The following PPM1B variants were observed in gnomAD, a reference collection of about 807,000 sequenced individuals.
PPM1B encodes protein phosphatase 1B.
A neutral mutation model predicts 43.0 loss-of-function variants in PPM1B; 22 were observed. The ratio of observed to expected loss-of-function variants is 0.51; its 90% CI spans 0.37 to 0.73. The LOEUF (loss-of-function observed/expected upper bound fraction) is 0.73, where lower values mean the gene tolerates loss of function less well. Ranked by LOEUF, PPM1B falls within the 30% of genes least tolerant of loss-of-function variation. The pLI, the probability that PPM1B is intolerant of heterozygous loss-of-function variation, is 0.00. For synonymous variants in PPM1B, 217 were observed against 197.9 expected (o/e 1.10, Z -0.81); for missense variants, 632 against 584.2 (o/e 1.08, Z -0.84).
chr2:44,241,003 T>A (rs1670732110), intron 5 of PPM1B, among the ~76,000 whole-genome samples: 1 of 117,928 alleles, frequency 8.5e-6, no homozygotes, highest in Admixed American at 7.6e-5. Context: ...CATCTTTATT[T>A]TTATTTTTTT....
intron 1 of PPM1B, among the ~76,000 whole-genome samples, chr2:44,175,945 C>G (rs953332363): frequency 3.3e-5 from 5 of 152,074 alleles, no homozygotes; most frequent in African/African-American, 9.7e-5. Context: ...ACCACCACAC[C>G]TGGCTAATTT....
downstream of PPM1B, among the ~76,000 whole-genome samples, chr2:44,238,312 C>G (rs958886079): frequency 1.3e-5 from 2 of 152,044 alleles, no homozygotes; most frequent in African/African-American, 4.8e-5. Flanking sequence ...TAGTATAAAG[C>G]TTATTTTAAA....
At chr2:44,206,510 T>G (rs1362611887) in intron 2 of PPM1B, among the ~76,000 whole-genome samples, 1 of 152,202 alleles carries the variant, frequency 6.6e-6, no homozygotes, top group Non-Finnish European at 1.5e-5. Context: ...ACCATAAATT[T>G]ATTGGAACTC....
downstream of PPM1B, chr2:44,233,433 C>T (rs959535818): frequency 3.1e-6 from 3 of 981,652 alleles, no homozygotes; most frequent in African/African-American, 5.3e-5. Flanking sequence ...ACCTTGAATT[C>T]TTCTGAGTTT....
At chr2:44,234,236 T>G (rs1670547503), downstream of PPM1B, 1 of 980,480 alleles carries the variant, frequency 1.0e-6, no homozygotes, top group Non-Finnish European at 1.2e-6. Context: ...AAAACCTGCC[T>G]TTGGCCGGGT....
At chr2:44,218,915 TAGTG>T (rs747437259) in intron 5 of PPM1B, 2 of 462,134 alleles carry the variant, frequency 4.3e-6, no homozygotes, top group African/African-American at 4.0e-5. Context: ...AAGTTAGTGA[TAGTG>T]AGTGAGTTGT....
At chr2:44,197,722 T>C (rs1165572939) in intron 1 of PPM1B, among the ~76,000 whole-genome samples, 1 of 152,204 alleles carries the variant, frequency 6.6e-6, no homozygotes, top group Non-Finnish European at 1.5e-5. Flanking sequence ...GATTTCTGAT[T>C]AGCCACTTAG....
chr2:44,237,023 TTAACA>T (rs1049892907), downstream of PPM1B, among the ~76,000 whole-genome samples: 4 of 152,244 alleles, frequency 2.6e-5, no homozygotes, highest in South Asian at 2.1e-4. Flanking sequence ...TAGTCAAATG[TTAACA>T]TAATTGTTAA....
intron 1 of PPM1B, among the ~76,000 whole-genome samples, chr2:44,169,821 A>T (rs907931290): frequency 2.6e-5 from 4 of 151,738 alleles, no homozygotes; most frequent in Admixed American, 2.0e-4. Flanking sequence ...TTTTCTTCGT[A>T]CCCCGGCATC....
chr2:44,174,600 TAAAAC>T (rs1190922483), intron 1 of PPM1B, among the ~76,000 whole-genome samples: 1 of 152,204 alleles, frequency 6.6e-6, no homozygotes, highest in Non-Finnish European at 1.5e-5. Flanking sequence ...TACAAGAAAA[TAAAAC>T]AAATGAATAA....
In PPM1B at chr2:44,186,464, G is replaced by C. The variant is rs1475191530; in HGVS notation, c.-14-14722G>C. On this transcript the variant is annotated intron_variant, in intron 1 of 5. Transcript: ENST00000282412. Reference sequence around the variant, plus strand: ...GCTCACTGCACCCTCCACCTCCTGGGCTCAAGCAATCCTCCCGCCTCAGCC... The same window carrying C: ...GCTCACTGCACCCTCCACCTCCTGGCCTCAAGCAATCCTCCCGCCTCAGCC... 2.0e-5 allele frequency among the ~76,000 whole-genome samples: 3 copies of C among 152,118 alleles called. No individual in the cohort carries two copies. The East Asian group carries it at 5.8e-4, about 29-fold the overall frequency.
chr2:44,227,200 C>G (rs1670258908), intron 5 of PPM1B, among the ~76,000 whole-genome samples: 1 of 152,092 alleles, frequency 6.6e-6, no homozygotes, highest in Admixed American at 6.6e-5. Flanking sequence ...GTCTCAAACT[C>G]CTGGGCTCAA....
intron 1 of PPM1B, among the ~76,000 whole-genome samples, chr2:44,194,114 C>G (rs1171170870): frequency 6.6e-6 from 1 of 151,530 alleles, no homozygotes; most frequent in African/African-American, 2.4e-5. Context: ...TTTTTTTTCC[C>G]TAGTCCTTGC....
chr2:44,182,796 G>A (rs1190987228), intron 1 of PPM1B, among the ~76,000 whole-genome samples: 1 of 151,974 alleles, frequency 6.6e-6, no homozygotes, highest in Non-Finnish European at 1.5e-5. Context: ...GGACCGTGAT[G>A]TTTTCCTGAA....
intron 1 of PPM1B, among the ~76,000 whole-genome samples, chr2:44,183,230 CCT>C (rs1422424996): frequency 6.6e-6 from 1 of 152,196 alleles, no homozygotes; most frequent in Non-Finnish European, 1.5e-5. Context: ...ATATTAAAAA[CCT>C]CTGCTGTGAC....
downstream of PPM1B, among the ~76,000 whole-genome samples, chr2:44,246,158 AC>A (rs1670850307): frequency 6.6e-6 from 1 of 152,154 alleles, no homozygotes; most frequent in African/African-American, 2.4e-5. Context: ...AAAGTATGCA[AC>A]CCAGAACTGA....
intron 1 of PPM1B, among the ~76,000 whole-genome samples, chr2:44,189,291 C>T (rs770853853): frequency 5.3e-5 from 8 of 152,146 alleles, no homozygotes; most frequent in Non-Finnish European, 1.2e-4. Flanking sequence ...TGCTTTTTGT[C>T]TGTATGAGAG....
chr2:44,205,348 GGTGTGGGTGT>G (rs1259596847), intron 2 of PPM1B, among the ~76,000 whole-genome samples: 21 of 94,344 alleles, frequency 2.2e-4, no homozygotes, highest in South Asian at 3.6e-4. Flanking sequence ...TGTGGGTGTG[GGTGTGGGTGT>G]GTGTGTGTGT....
At chr2:44,171,601 G>A (rs1006720743) in intron 1 of PPM1B, among the ~76,000 whole-genome samples, 14 of 151,764 alleles carry the variant, frequency 9.2e-5, no homozygotes, top group Admixed American at 3.3e-4. Context: ...AGGCTGAGGC[G>A]TGTGGATCAC....
Sources: gnomAD v4.1 joint callset for allele counts (sites outside exome capture counted in the v4.1 genomes callset) on GRCh38, gnomAD v4.1.1 for gene constraint, MANE v1.5 for transcripts, NCBI Gene and HGNC (gene_info 2026-07-23, HGNC 2026-07-21) for gene names.